COG5: variants seen among roughly 807,000 people sequenced by gnomAD.
COG5 encodes the protein component of oligomeric golgi complex 5.
A neutral mutation model predicts 110.4 loss-of-function variants in COG5; 86 were observed. The observed-to-expected ratio is 0.78, with a 90% CI of 0.65 to 0.93. The LOEUF is 0.93. COG5 is among the 40% of genes least tolerant of loss of function. The pLI is 0.00. For missense variants in COG5, 1,077 were observed against 987.0 expected (o/e 1.09, Z -1.22); for synonymous variants, 360 against 334.6 (o/e 1.08, Z -0.83).
chr7:107,532,151 G>C (rs1418126389), intron 5 of COG5, among the ~76,000 whole-genome samples: 1 of 152,090 alleles, frequency 6.6e-6, no homozygotes, highest in African/African-American at 2.4e-5. Flanking sequence ...CCCCCTCCAG[G>C]GTTCAAGCGA....
At chr7:107,339,780 C>G (rs1464151027) in intron 10 of COG5, among the ~76,000 whole-genome samples, 2 of 151,752 alleles carry the variant, frequency 1.3e-5, no homozygotes, top group African/African-American at 4.8e-5. Context: ...TTTGGGCAAG[C>G]AGTGAAATTG....
intron 6 of COG5, among the ~76,000 whole-genome samples, chr7:107,511,147 G>T (rs1403515759): frequency 6.6e-6 from 1 of 150,868 alleles, no homozygotes; most frequent in Non-Finnish European, 1.5e-5. Context: ...TAGACTGCTA[G>T]CAAGACTAAT....
chr7:107,279,780 CA>C (rs2116784330), intron 14 of COG5, among the ~76,000 whole-genome samples: 1 of 151,668 alleles, frequency 6.6e-6, no homozygotes, highest in Admixed American at 6.6e-5. Context: ...AATTAAAAAC[CA>C]AAAAATGACA....
intron 6 of COG5, among the ~76,000 whole-genome samples, chr7:107,525,617 A>G (rs911169426): frequency 1.3e-5 from 2 of 152,214 alleles, no homozygotes; most frequent in Non-Finnish European, 2.9e-5. Context: ...CAGTGGTGCA[A>G]TAACAGCTCA....
At chr7:107,436,893 A>G (rs946833779) in intron 6 of COG5, among the ~76,000 whole-genome samples, 60 of 152,208 alleles carry the variant, frequency 3.9e-4, no homozygotes, top group Non-Finnish European at 4.4e-5. Flanking sequence ...AGTATGATGT[A>G]TTTATAAAGC....
chr7:107,548,365 A>T (rs773847869), intron 3 of COG5, 33 bp from the exon 4 acceptor site: 2 of 1,591,012 alleles, frequency 1.3e-6, no homozygotes, highest in Non-Finnish European at 1.7e-6. Flanking sequence ...TGGCTTTACA[A>T]ATTTACAGGG....
At chr7:107,223,108 C>A (rs1800067902) in intron 19 of COG5, among the ~76,000 whole-genome samples, 1 of 152,196 alleles carries the variant, frequency 6.6e-6, no homozygotes, top group Non-Finnish European at 1.5e-5. Context: ...ATCTTGACCT[C>A]CTCTTGCTGA....
chr7:107,345,780 G>A (rs1811550022), intron 10 of COG5, among the ~76,000 whole-genome samples: 1 of 152,124 alleles, frequency 6.6e-6, no homozygotes, highest in Non-Finnish European at 1.5e-5. Context: ...GAAATCACAT[G>A]AATTAGGTTG....
At chr7:107,513,262 GAA>G (rs1799670213) in intron 6 of COG5, among the ~76,000 whole-genome samples, 1 of 152,092 alleles carries the variant, frequency 6.6e-6, no homozygotes, top group Non-Finnish European at 1.5e-5. Flanking sequence ...CTTCTCAAAA[GAA>G]GACATTTATG....
intron 6 of COG5, among the ~76,000 whole-genome samples, chr7:107,429,265 T>C (rs538382047): frequency 6.6e-6 from 1 of 152,314 alleles, no homozygotes; most frequent in Non-Finnish European, 1.5e-5. Context: ...ATTATGGATC[T>C]GACAGCTCAG....
intron 14 of COG5, among the ~76,000 whole-genome samples, chr7:107,258,800 C>A (rs903239094): frequency 1.3e-5 from 2 of 150,630 alleles, no homozygotes; most frequent in Non-Finnish European, 3.0e-5. Flanking sequence ...GAAATAAGCC[C>A]GCAAAAAAAG....
rs1298292038 is a variant in COG5, at chr7:107,415,738, A to AT, written c.539-3107_539-3106insA. ...TGAATGTATATATGTATATGTATAT[A>AT]AATACATGTATGTATATATGTATGT... On this transcript the variant is annotated intron_variant, in intron 6 of 21. Transcript: ENST00000297135. Among the ~76,000 whole-genome samples, 223 of 149,374 alleles carry AT rather than the reference A, an allele frequency of 1.5e-3. 1 individual carries two copies. The highest frequency in any genetic ancestry group is 5.3e-3 in the African/African-American group (216 of 40,760).
intron 2 of COG5, among the ~76,000 whole-genome samples, chr7:107,556,873 T>C (rs571839764): frequency 2.0e-5 from 3 of 151,842 alleles, no homozygotes; most frequent in East Asian, 1.9e-4. Flanking sequence ...CAGGTTCAAG[T>C]GATTCTCCTG....
At chr7:107,324,946 A>G (rs1227092548) in intron 10 of COG5, among the ~76,000 whole-genome samples, 1 of 152,228 alleles carries the variant, frequency 6.6e-6, no homozygotes, top group Non-Finnish European at 1.5e-5. Context: ...CATTTTTTAA[A>G]TACGGAGGGC....
chr7:107,320,815 C>T (rs1482860951), intron 11 of COG5, among the ~76,000 whole-genome samples: 1 of 152,242 alleles, frequency 6.6e-6, no homozygotes, highest in East Asian at 1.9e-4. Flanking sequence ...GATGATAATG[C>T]TTAAGAAAAA....
At chr7:107,450,914 A>G (rs1795292953) in intron 6 of COG5, among the ~76,000 whole-genome samples, 1 of 152,206 alleles carries the variant, frequency 6.6e-6, no homozygotes, top group Non-Finnish European at 1.5e-5. Flanking sequence ...TTCAACATCC[A>G]GGGCATCAAA....
chr7:107,341,009 G>A (rs1811129081), intron 10 of COG5, among the ~76,000 whole-genome samples: 1 of 152,084 alleles, frequency 6.6e-6, no homozygotes, highest in Non-Finnish European at 1.5e-5. Context: ...ATTCAATATA[G>A]TAGTTGAAGT....
At chr7:107,350,875 G>A (rs987125127) in intron 10 of COG5, among the ~76,000 whole-genome samples, 5 of 152,094 alleles carry the variant, frequency 3.3e-5, no homozygotes, top group African/African-American at 1.2e-4. Flanking sequence ...ACCCCATCTT[G>A]TGCATTCACC....
intron 7 of COG5, among the ~76,000 whole-genome samples, chr7:107,387,688 G>A (rs916076619): frequency 6.6e-6 from 1 of 152,138 alleles, no homozygotes; most frequent in Non-Finnish European, 1.5e-5. Context: ...TGATAAACAT[G>A]GAAAAGCAGC....
Sources: allele counts gnomAD v4.1 joint callset (sites outside exome capture counted in the v4.1 genomes callset), GRCh38; gene constraint gnomAD v4.1.1; transcripts MANE v1.5; gene names NCBI Gene and HGNC (gene_info 2026-07-23, HGNC 2026-07-21).